SHB: variants seen among roughly 807,000 people sequenced by gnomAD.
The protein encoded by SHB is SH2 domain containing adaptor protein B.
Under a neutral mutation model 52.3 loss-of-function variants are expected in SHB, and 20 were observed. That is an observed-to-expected ratio of 0.38 (90% CI 0.27 to 0.56). SHB has a LOEUF of 0.56. Among genes scored for constraint, SHB ranks in the 20% least tolerant of loss-of-function variants. The pLI is 0.71. For missense variants in SHB, 825 were observed against 723.3 expected (o/e 1.14, Z -1.61); for synonymous variants, 397 against 316.5 (o/e 1.25, Z -2.70).
intron 1 of SHB, among the ~76,000 whole-genome samples, chr9:38,063,526 T>C (rs1192620111): frequency 6.6e-6 from 1 of 152,216 alleles, no homozygotes; most frequent in African/African-American, 2.4e-5. Flanking sequence ...CCACTCAGCC[T>C]TCTACACTCA....
In SHB at chr9:38,068,519, C is replaced by A. The variant is rs1179297479; in HGVS notation, c.127G>T (p.Ala43Ser). 1.4e-6 allele frequency: 2 copies of A among 1,461,870 alleles called. No homozygotes were observed. The highest frequency in any genetic ancestry group is 1.8e-6 in the Non-Finnish European group (2 of 1,117,304). The allele number at this position is 1,461,870 out of a possible 1,614,324, so 90.6% of individuals were successfully genotyped here. ...RGERPSQPPQ[A>S]VPQASSAASA... The stretch of plus-strand genomic sequence containing the variant: ...GCGGCGGAGGAGGCCTGCGGCACGG[C>A]CTGGGGGGGCTGCGAAGGCCGCTCG... The change falls in exon 1 of 6, where the codon GCC becomes TCC. Residue 43 changes from alanine (A) to serine (S), a missense_variant. Transcript: ENST00000377707.
At chr9:37,949,031 C>T (rs539173717) in intron 4 of SHB, among the ~76,000 whole-genome samples, 1 of 152,328 alleles carries the variant, frequency 6.6e-6, no homozygotes, top group African/African-American at 2.4e-5. Context: ...TGAGGACAGG[C>T]ATCATGGAGA....
At chr9:38,037,951 AT>A (rs201992499) in intron 1 of SHB, among the ~76,000 whole-genome samples, 10 of 152,110 alleles carry the variant, frequency 6.6e-5, no homozygotes, top group Non-Finnish European at 1.2e-4. Flanking sequence ...CTCTAACAAG[AT>A]TTTTTTTAAA....
At chr9:38,064,207 T>C (rs1481907721) in intron 1 of SHB, among the ~76,000 whole-genome samples, 1 of 151,930 alleles carries the variant, frequency 6.6e-6, no homozygotes, top group Non-Finnish European at 1.5e-5. Context: ...GAACTACAAC[T>C]GTCCCCTAAC....
At chr9:38,061,561 G>A (rs1419427106) in intron 1 of SHB, among the ~76,000 whole-genome samples, 2 of 152,192 alleles carry the variant, frequency 1.3e-5, no homozygotes, top group South Asian at 4.1e-4. Context: ...GTTAGACCTT[G>A]CTGACTGATC....
intron 3 of SHB, among the ~76,000 whole-genome samples, chr9:37,963,974 C>G (rs1008038159): frequency 2.6e-5 from 4 of 152,216 alleles, no homozygotes; most frequent in African/African-American, 9.6e-5. Context: ...ATAGATGACA[C>G]AACCGAGGCC....
intron 2 of SHB, among the ~76,000 whole-genome samples, chr9:37,987,146 G>A (rs554115628): frequency 8.0e-4 from 122 of 152,318 alleles, no homozygotes; most frequent in African/African-American, 2.9e-3. Flanking sequence ...GTGCAGCCAG[G>A]CCCCTCCCCG....
chr9:38,018,572 T>C (rs952011364), intron 1 of SHB, among the ~76,000 whole-genome samples: 2 of 151,918 alleles, frequency 1.3e-5, no homozygotes, highest in Non-Finnish European at 2.9e-5. Context: ...CTAAAATGTA[T>C]ATTTAATCAA....
At chr9:38,024,475 AAC>A (rs1424856913) in intron 1 of SHB, among the ~76,000 whole-genome samples, 2 of 152,130 alleles carry the variant, frequency 1.3e-5, no homozygotes, top group African/African-American at 4.8e-5. Flanking sequence ...TGTTAGGAAA[AAC>A]ACATTCCAAA....
chr9:37,976,179 A>C (rs572170512), intron 2 of SHB, among the ~76,000 whole-genome samples: 1 of 152,190 alleles, frequency 6.6e-6, no homozygotes, highest in South Asian at 2.1e-4. Context: ...AGGAGCACAA[A>C]TGTGCACCAC....
At chr9:38,017,012 C>T (rs1281181140) in intron 1 of SHB, among the ~76,000 whole-genome samples, 2 of 152,218 alleles carry the variant, frequency 1.3e-5, no homozygotes, top group Non-Finnish European at 2.9e-5. Context: ...ACTTCAGAGA[C>T]CACCGTTCCA....
At chr9:38,044,305 C>CT (rs1821619443) in intron 1 of SHB, among the ~76,000 whole-genome samples, 2 of 152,240 alleles carry the variant, frequency 1.3e-5, no homozygotes, top group Non-Finnish European at 2.9e-5. Context: ...CAATTAACTC[C>CT]TTAGTATGGT....
intron 5 of SHB, among the ~76,000 whole-genome samples, chr9:37,930,878 T>C (rs764666138): frequency 6.6e-6 from 1 of 152,152 alleles, no homozygotes; most frequent in African/African-American, 2.4e-5. Context: ...TACAAAGCTA[T>C]AGTAATCAAA....
chr9:38,046,493 G>A (rs993244267), intron 1 of SHB, among the ~76,000 whole-genome samples: 2 of 152,228 alleles, frequency 1.3e-5, no homozygotes, highest in Non-Finnish European at 2.9e-5. Flanking sequence ...CTCCTTCTCC[G>A]AGTAGGGCCC....
chr9:37,986,792 C>T (rs1820812572), intron 2 of SHB, among the ~76,000 whole-genome samples: 1 of 152,214 alleles, frequency 6.6e-6, no homozygotes, highest in Admixed American at 6.5e-5. Context: ...CCCCGGGGCC[C>T]CTGTGCTGCA....
chr9:38,056,994 G>C (rs1438639115), intron 1 of SHB, among the ~76,000 whole-genome samples: 1 of 152,234 alleles, frequency 6.6e-6, no homozygotes, highest in African/African-American at 2.4e-5. Context: ...GGGTAAAACA[G>C]GTGTCAACTT....
At chr9:38,043,839 A>C (rs536544722) in intron 1 of SHB, among the ~76,000 whole-genome samples, 1 of 151,978 alleles carries the variant, frequency 6.6e-6, no homozygotes, top group East Asian at 1.9e-4. Flanking sequence ...AGGTGAGCAG[A>C]GATTATGCCA....
At chr9:37,996,337 T>C (rs530568706) in intron 2 of SHB, among the ~76,000 whole-genome samples, 3 of 152,326 alleles carry the variant, frequency 2.0e-5, no homozygotes, top group South Asian at 2.1e-4. Context: ...CTGGTACTCA[T>C]GGTTGAAGCC....
At chr9:38,040,397 A>AG (rs1254587721) in intron 1 of SHB, among the ~76,000 whole-genome samples, 2 of 152,110 alleles carry the variant, frequency 1.3e-5, no homozygotes, top group Non-Finnish European at 2.9e-5. Context: ...TTATCCCTAA[A>AG]GGGGGGGCTT....
Sources: allele counts gnomAD v4.1 joint callset (sites outside exome capture counted in the v4.1 genomes callset), GRCh38; gene constraint gnomAD v4.1.1; transcripts MANE v1.5; gene names NCBI Gene and HGNC (gene_info 2026-07-23, HGNC 2026-07-21).